The following YTHDC1 variants were observed in gnomAD, a reference collection of about 807,000 sequenced individuals.
YTHDC1 encodes the protein YTH domain-containing protein 1.
In YTHDC1, 12 loss-of-function variants were observed where a neutral mutation model predicts 107.0. The ratio of observed to expected loss-of-function variants is 0.11; its 90% confidence interval spans 0.07 to 0.18. The LOEUF is 0.18. Among genes scored for constraint, YTHDC1 ranks in the 10% least tolerant of loss-of-function variants. The probability of loss-of-function intolerance (pLI) is 1.00; values close to 1 mark genes in which losing one functional copy is unlikely to be tolerated. For missense variants in YTHDC1, 635 were observed against 898.8 expected (o/e 0.71, Z 3.75); for synonymous variants, 280 against 289.5 (o/e 0.97, Z 0.33).
At chr4:68,345,426 T>C (rs1725298871) in intron 1 of YTHDC1, among the ~76,000 whole-genome samples, 1 of 152,200 alleles carries the variant, frequency 6.6e-6, no homozygotes, top group South Asian at 2.1e-4. Flanking sequence ...ATTCATTTAA[T>C]ATAATTTTAG....
intron 7 of YTHDC1, among the ~76,000 whole-genome samples, chr4:68,330,925 C>G (rs546561488): frequency 1.3e-5 from 2 of 152,126 alleles, no homozygotes. Flanking sequence ...AAGGCAGATG[C>G]TATCATTCAG....
intron 9 of YTHDC1, among the ~76,000 whole-genome samples, chr4:68,326,204 T>C (rs1421253621): frequency 6.6e-6 from 1 of 152,100 alleles, no homozygotes; most frequent in African/African-American, 2.4e-5. Context: ...AGTAAAAGCA[T>C]AGGCCAAGCT....
In YTHDC1 at chr4:68,320,012, C is replaced by T. The variant is rs540639030; in HGVS notation, c.1684+111G>A. On this transcript the variant is annotated intron_variant, in intron 12 of 16. Transcript: ENST00000344157. ...TTTCTCAAGATTTAAGTAGTCAGGTCCTGAATTTTTTTCACTTTTAAAACT... is the reference window on the plus strand; with the variant it reads ...TTTCTCAAGATTTAAGTAGTCAGGTTCTGAATTTTTTTCACTTTTAAAACT... 3 of 861,178 alleles carry T rather than the reference C, an allele frequency of 3.5e-6. No individual in the cohort carries two copies. The East Asian group carries it at 8.3e-5, about 24-fold the overall frequency. 53.3% of individuals were successfully genotyped at this position (861,178 alleles called of 1,614,324 possible). A position where few individuals can be genotyped will look rare whatever the true frequency, so the allele number is the denominator to read the frequency against.
At chr4:68,316,479 T>G in intron 15 of YTHDC1, 31 bp from the exon 16 acceptor site, 1 of 1,604,834 alleles carries the variant, frequency 6.2e-7, no homozygotes, top group Non-Finnish European at 8.5e-7. Flanking sequence ...ACATTAAGAA[T>G]CTACCAACAC....
At chr4:68,334,224 A>C (rs2109719989) in intron 4 of YTHDC1, among the ~76,000 whole-genome samples, 1 of 152,322 alleles carries the variant, frequency 6.6e-6, no homozygotes, top group Non-Finnish European at 1.5e-5. Context: ...TTTTCAGCTT[A>C]GAGATAAGGG....
In YTHDC1 at chr4:68,311,789, T is replaced by C. The variant is rs892307732; in HGVS notation, c.*2310A>G. On this transcript the variant is annotated 3_prime_UTR_variant, in exon 17 of 17. Transcript: ENST00000344157. ...CTAAGCTCAACATACAAAGCATAAC[T>C]TAACATCTAATTGGATGGCACTTTA... 3 of 152,200 alleles carry C rather than the reference T, an allele frequency of 2.0e-5. No individual in the cohort carries two copies. The highest frequency in any genetic ancestry group is 4.4e-5 in the Non-Finnish European group (3 of 68,030). The allele number at this position is 152,200 out of a possible 1,614,324, so 9.4% of individuals were successfully genotyped here.
chr4:68,329,950 A>G lies in YTHDC1; in HGVS notation c.1349+52T>C. 8 of 1,328,742 alleles carry G rather than the reference A, an allele frequency of 6.0e-6. No homozygotes were observed. In the South Asian group the frequency reaches 8.3e-5, roughly 14 times the overall value. The allele number at this position is 1,328,742 out of a possible 1,614,324, so 82.3% of individuals were successfully genotyped here. On this transcript the variant is annotated intron_variant, in intron 9 of 16. Transcript: ENST00000344157. ...TTTTCACTTTAACACATTATTCTAAACTGGTAGTGTATTCAAAATTTCAGT... is the reference window on the plus strand; with the variant it reads ...TTTTCACTTTAACACATTATTCTAAGCTGGTAGTGTATTCAAAATTTCAGT...
chr4:68,347,813 GTGA>G (rs987449401), intron 1 of YTHDC1, among the ~76,000 whole-genome samples: 1 of 152,160 alleles, frequency 6.6e-6, no homozygotes, highest in Admixed American at 6.5e-5. Flanking sequence ...AGCTAAGTGT[GTGA>G]TGATGATCAT....
chr4:68,329,878 T>A (rs1723389357), intron 9 of YTHDC1, 124 bp downstream of exon 9: 1 of 669,968 alleles, frequency 1.5e-6, no homozygotes, highest in Non-Finnish European at 2.6e-6. Flanking sequence ...TGTCCCACAT[T>A]AGATAAAGGT....
At chr4:68,342,441 A>G (rs574515350) in intron 1 of YTHDC1, among the ~76,000 whole-genome samples, 86 of 152,312 alleles carry the variant, frequency 5.6e-4, no homozygotes, top group African/African-American at 2.0e-3. Flanking sequence ...ACACCATCAC[A>G]GTATTTATTC....
At position 68,332,090 on chromosome 4, in the gene YTHDC1, C is replaced by G; in HGVS notation, c.1122+13G>C. ...TGATATTAGGATAGTTTCAACAGAACTGATGCTAATACCTTCGCTTTGGCA... is the reference window on the plus strand; with the variant it reads ...TGATATTAGGATAGTTTCAACAGAAGTGATGCTAATACCTTCGCTTTGGCA... On this transcript the variant is annotated intron_variant, in intron 7 of 16. Coordinates refer to ENST00000344157, the MANE Select transcript of YTHDC1 (RefSeq NM_001031732.4). The G allele has an allele frequency of 6.4e-7, 1 of 1,556,770 alleles. No individual in the cohort carries two copies. The highest frequency in any genetic ancestry group is 1.2e-5 in the South Asian group (1 of 84,842).
intron 10 of YTHDC1, 74 bp downstream of exon 10, chr4:68,324,065 C>T (rs188687461): frequency 2.2e-5 from 29 of 1,341,030 alleles, no homozygotes; most frequent in Admixed American, 1.8e-4. Flanking sequence ...ACGGTTAAAA[C>T]GAATACATCA....
chr4:68,322,651 T>C lies in YTHDC1; in HGVS notation c.1601+98A>G. ...GCAGCTTGATTTGAGGATTTTCTCT[T>C]TCTTCTTTACCGCAGGACAAACTTT... On this transcript the variant is annotated intron_variant, in intron 11 of 16. Coordinates refer to ENST00000344157, the MANE Select transcript of YTHDC1 (RefSeq NM_001031732.4). The surrounding 1 kb of genome is among the most constrained non-coding windows in gnomAD (Gnocchi z 4.8). The C allele has an allele frequency of 7.1e-7, 1 of 1,404,258 alleles. No individual in the cohort carries two copies. Among genetic ancestry groups the C allele is most frequent in the Non-Finnish European group, 9.5e-7 (1 of 1,048,360 alleles). The allele number at this position is 1,404,258 out of a possible 1,614,324, so 87.0% of individuals were successfully genotyped here.
intron 9 of YTHDC1, among the ~76,000 whole-genome samples, chr4:68,325,762 G>C (rs1722928079): frequency 6.6e-6 from 1 of 152,090 alleles, no homozygotes; most frequent in Non-Finnish European, 1.5e-5. Flanking sequence ...AAGTATTTTA[G>C]AGTTAAATTA....
At chr4:68,347,913 T>A (rs1377009872) in intron 1 of YTHDC1, among the ~76,000 whole-genome samples, 3 of 152,220 alleles carry the variant, frequency 2.0e-5, no homozygotes. Context: ...GTTCTCCGTG[T>A]AGTCCAGAAA....
chr4:68,343,148 C>T (rs1725032308), intron 1 of YTHDC1, among the ~76,000 whole-genome samples: 1 of 152,050 alleles, frequency 6.6e-6, no homozygotes, highest in Non-Finnish European at 1.5e-5. Flanking sequence ...ACATTGAAAG[C>T]CTTTTTTAGA....
chr4:68,313,594 AAG>A lies in YTHDC1; in HGVS notation c.*503_*504del, dbSNP rs1486094531. On this transcript the variant is annotated 3_prime_UTR_variant, in exon 17 of 17. Transcript: ENST00000344157. ...AGTGACTTTATAAGTTTTTTAAAAA[AAG>A]AGGCAATGGGGAAAAAAACAAGAGG... is the stretch of plus-strand genomic sequence containing the variant. 2.6e-5 allele frequency: 4 copies of A among 153,470 alleles called. No individual in the cohort carries two copies. The East Asian group carries it at 7.7e-4, about 29-fold the overall frequency. The allele number at this position is 153,470 out of a possible 1,614,324, so 9.5% of individuals were successfully genotyped here. A position where few individuals can be genotyped will look rare whatever the true frequency, so the allele number is the denominator to read the frequency against.
At chr4:68,331,068 T>C (rs899385355) in intron 7 of YTHDC1, among the ~76,000 whole-genome samples, 2 of 152,140 alleles carry the variant, frequency 1.3e-5, no homozygotes, top group Admixed American at 6.6e-5. Flanking sequence ...GTCCCTTATA[T>C]AAAATGGCAC....
intron 12 of YTHDC1, among the ~76,000 whole-genome samples, chr4:68,319,284 A>G (rs1312008466): frequency 1.3e-5 from 2 of 152,172 alleles, no homozygotes; most frequent in East Asian, 1.9e-4. Context: ...TTTAAAATGT[A>G]AACTTAAGGG....
Sources: gnomAD v4.1 joint callset for allele counts (sites outside exome capture counted in the v4.1 genomes callset) on GRCh38, gnomAD v4.1.1 for gene constraint, Gnocchi (gnomAD v3.1) non-coding constraint, MANE v1.5 for transcripts, NCBI Gene and HGNC (gene_info 2026-07-23, HGNC 2026-07-21) for gene names.